PLXNA1: variants seen among roughly 807,000 people sequenced by gnomAD.
PLXNA1 encodes plexin-A1.
A neutral mutation model predicts 191.7 loss-of-function variants in PLXNA1; 77 were observed. That is an observed-to-expected ratio of 0.40 (90% CI 0.33 to 0.49). The LOEUF (loss-of-function observed/expected upper bound fraction) is 0.49, where lower values mean the gene tolerates loss of function less well. Ranked by LOEUF, PLXNA1 falls within the 20% of genes least tolerant of loss-of-function variation. The pLI, the probability that PLXNA1 is intolerant of heterozygous loss-of-function variation, is 0.63. For synonymous variants in PLXNA1, 1,137 were observed against 1,156.4 expected (o/e 0.98, Z 0.34); for missense variants, 2,110 against 2,660.2 (o/e 0.79, Z 4.55).
chr3:127,022,907 T>A, intron 23 of PLXNA1, 89 bp downstream of exon 23: 1 of 1,171,042 alleles, frequency 8.5e-7, no homozygotes, highest in Non-Finnish European at 1.3e-6. Flanking sequence ...TGGGAGGTGC[T>A]GGAGAATGAC....
chr3:127,016,382 C>A, intron 15 of PLXNA1, 135 bp from the exon 16 acceptor site: 1 of 733,400 alleles, frequency 1.4e-6, no homozygotes, highest in South Asian at 1.7e-5. Flanking sequence ...GGGAAAGTAG[C>A]GGTGATAGTA....
intron 25 of PLXNA1, 92 bp from the exon 26 acceptor site, chr3:127,028,901 G>A: frequency 1.1e-6 from 1 of 904,454 alleles, no homozygotes; most frequent in South Asian, 1.5e-5. Flanking sequence ...GGTGCTGAGA[G>A]CTGCAGGCAG....
intron 21 of PLXNA1, among the ~76,000 whole-genome samples, chr3:127,020,752 C>T (rs1457995937): frequency 6.6e-6 from 1 of 152,146 alleles, no homozygotes; most frequent in African/African-American, 2.4e-5. Flanking sequence ...CCGCCTGCGG[C>T]TCCACTGGCC....
intron 3 of PLXNA1, among the ~76,000 whole-genome samples, chr3:126,999,676 C>T (rs1174872543): frequency 1.3e-5 from 2 of 152,172 alleles, no homozygotes; most frequent in South Asian, 2.1e-4. Flanking sequence ...AGCAGTTGGC[C>T]AGGGCTGTGG....
At chr3:126,986,175 A>G (rs765396584) in intron 1 of PLXNA1, among the ~76,000 whole-genome samples, 1 of 152,114 alleles carries the variant, frequency 6.6e-6, no homozygotes, top group Non-Finnish European at 1.5e-5. Flanking sequence ...TGAACTGATA[A>G]ACGGTGAGTG....
At chr3:126,995,180 T>G (rs1342589727) in intron 3 of PLXNA1, among the ~76,000 whole-genome samples, 4 of 152,198 alleles carry the variant, frequency 2.6e-5, no homozygotes, top group Non-Finnish European at 5.9e-5. Context: ...TGGGGCTGAC[T>G]GGGGGTGCCC....
At chr3:127,013,516 CAGCCCAGCCTTGTTGAGG>C (rs2079106044) in intron 10 of PLXNA1, among the ~76,000 whole-genome samples, 1 of 152,218 alleles carries the variant, frequency 6.6e-6, no homozygotes, top group African/African-American at 2.4e-5. Flanking sequence ...CCCCTGGGCC[CAGCCCAGCCTTGTTGAGG>C]AGGGGACGGG....
intron 4 of PLXNA1, among the ~76,000 whole-genome samples, chr3:127,003,845 C>T (rs1280398909): frequency 6.6e-6 from 1 of 152,230 alleles, no homozygotes; most frequent in Non-Finnish European, 1.5e-5. Flanking sequence ...ACTGAGTCCT[C>T]AGGCCTAGGG....
chr3:127,016,990 C>T lies in PLXNA1; in HGVS notation c.3229C>T (p.Arg1077Cys), dbSNP rs748301984. 22 of 1,613,400 alleles carry T rather than the reference C, an allele frequency of 1.4e-5. No homozygotes were observed. Among genetic ancestry groups the T allele is most frequent in the African/African-American group, 5.3e-5 (4 of 74,920 alleles). Residue 1077 changes from arginine (R) to cysteine (C), a missense_variant, in exon 17 of 32, where the codon CGT becomes TGT. Arg to Cys is a radical substitution (Grantham distance 180). Coordinates refer to ENST00000393409, the MANE Select transcript of PLXNA1 (RefSeq NM_032242.4). ...CACAGGCACCAACCTGGCCACTGTC[C>T]GTGAACCCCGAATCCGGGCCAAGTA... ...TVTGTNLATVREPRIRAKYGG... is the reference protein window; with the variant it reads ...TVTGTNLATVCEPRIRAKYGG...
chr3:126,991,350 C>T (rs754728211), intron 2 of PLXNA1, 34 bp from the exon 3 acceptor site: 58 of 1,606,744 alleles, frequency 3.6e-5, no homozygotes, highest in Middle Eastern at 1.8e-4. Flanking sequence ...AGAAGGTGCC[C>T]GGGGAGTGGC....
rs757241654 is a variant in PLXNA1, at chr3:127,028,019, C to T, written c.4442C>T (p.Thr1481Met). Reference protein sequence around the residue: ...QMEKGPIDAITGEARYSLSED... With the variant: ...QMEKGPIDAIMGEARYSLSED... ...GAGAAGGGCCCCATTGACGCCATCA[C>T]GGGTGAGGCACGCTACTCCCTGAGT... The change falls in exon 24 of 32, where the codon ACG (threonine) becomes ATG (methionine). Residue 1481 changes from threonine to methionine, a missense_variant. Physicochemically the swap from Thr to Met is moderately conservative, Grantham distance 81. Coordinates refer to ENST00000393409, the MANE Select transcript of PLXNA1 (RefSeq NM_032242.4). 12 of 1,613,928 alleles carry T rather than the reference C, an allele frequency of 7.4e-6. No individual in the cohort carries two copies. The South Asian group carries it at 9.9e-5, about 13-fold the overall frequency.
In PLXNA1 at chr3:127,022,327, G is replaced by T. The variant is rs1243485849; in HGVS notation, c.4281G>T (p.Lys1427Asn). The part of the protein sequence containing the change: ...EKNLESKNHP[K>N]LLLRRTESVA... ...ACCTGGAGAGCAAGAACCACCCCAAGCTGCTACTGCGCCGGTGAGCCTGGG... is the reference window on the plus strand; with the variant it reads ...ACCTGGAGAGCAAGAACCACCCCAATCTGCTACTGCGCCGGTGAGCCTGGG... The change falls in exon 22 of 32, where the codon AAG becomes AAT. Residue 1427 changes from lysine to asparagine, a missense_variant. Transcript: ENST00000393409. 1 of 1,610,654 alleles carries T rather than the reference G, an allele frequency of 6.2e-7. No individual in the cohort carries two copies. The highest frequency in any genetic ancestry group is 1.3e-5 in the African/African-American group (1 of 74,884).
In PLXNA1 at chr3:126,994,128, G is replaced by A. The variant is rs536670457; in HGVS notation, c.1377+2562G>A. On this transcript the variant is annotated intron_variant, in intron 3 of 31. Coordinates refer to ENST00000393409, the MANE Select transcript of PLXNA1 (RefSeq NM_032242.4). ...GCAGCCTGTCATCTGTTTGACAGGT[G>A]GGGAAACTGAGTGCTCAAGGCAGGT... Among the ~76,000 whole-genome samples the A allele has an allele frequency of 1.7e-4, 26 of 152,204 alleles. 1 individual carries two copies. In the South Asian group the frequency reaches 5.4e-3, roughly 32 times the overall value.
Position 127,029,440 on chromosome 3 carries a change from G to T in PLXNA1, c.4774G>T (p.Val1592Leu). ...KRLNTLAHYQ[V>L]TDGSSVALVP... ...AGGGTCCCTGGCCCTCTGCCCACAG[G>T]TGACAGACGGGTCCTCGGTGGCACT... is the stretch of plus-strand genomic sequence containing the variant. Residue 1592 changes from valine (V) to leucine (L), a missense_variant and splice_region_variant, in exon 27 of 32, where the codon GTG (valine) becomes TTG (leucine). By Grantham distance (32) the Val-to-Leu change is conservative. Coordinates refer to ENST00000393409, the MANE Select transcript of PLXNA1 (RefSeq NM_032242.4). The T allele has an allele frequency of 1.2e-6, 2 of 1,613,532 alleles. No homozygotes were observed. Among genetic ancestry groups the T allele is most frequent in the Non-Finnish European group, 1.7e-6 (2 of 1,179,698 alleles).
chr3:127,008,050 C>T (rs2079077360), intron 9 of PLXNA1, 137 bp downstream of exon 9: 2 of 590,692 alleles, frequency 3.4e-6, no homozygotes, highest in Non-Finnish European at 5.9e-6. Context: ...GTGGTGCATG[C>T]ACCACCAGGC....
chr3:127,021,887 T>C (rs1314040756), intron 21 of PLXNA1, among the ~76,000 whole-genome samples, 198 bp from the exon 22 acceptor site: 2 of 152,296 alleles, frequency 1.3e-5, no homozygotes, highest in East Asian at 1.9e-4. Flanking sequence ...CCAGGTCGTG[T>C]CCATTTTGCT....
intron 23 of PLXNA1, among the ~76,000 whole-genome samples, chr3:127,024,451 G>A (rs1161977274): frequency 6.6e-6 from 1 of 152,202 alleles, no homozygotes; most frequent in Non-Finnish European, 1.5e-5. Flanking sequence ...AGTGGAGGGA[G>A]GGAGAGGGAG....
chr3:127,029,229 T>C (rs1311549921), intron 26 of PLXNA1, 133 bp downstream of exon 26: 5 of 831,336 alleles, frequency 6.0e-6, no homozygotes, highest in African/African-American at 5.1e-5. Flanking sequence ...AGGTGGTCAC[T>C]TATGTGTGTG....
In PLXNA1 at chr3:126,989,331, T is replaced by C. The variant is rs2078977586; in HGVS notation, c.738T>C (p.Tyr246=). 2.5e-6 allele frequency: 4 copies of C among 1,613,652 alleles called. No individual in the cohort carries two copies. The highest frequency in any genetic ancestry group is 2.2e-5 in the South Asian group (2 of 91,090). ...AGTTCCCGGCCTTTGACATCTACTATGTGTACAGCTTCCGCAGCGAGCAGT... is the reference window on the plus strand; with the variant it reads ...AGTTCCCGGCCTTTGACATCTACTACGTGTACAGCTTCCGCAGCGAGCAGT... ...LSKFPAFDIY[Y]VYSFRSEQFV... The change falls in exon 2 of 32, where the codon TAT becomes TAC. Residue 246 remains tyrosine, a synonymous_variant. Transcript: ENST00000393409.
Sources: gnomAD v4.1 joint callset for allele counts (sites outside exome capture counted in the v4.1 genomes callset) on GRCh38, gnomAD v4.1.1 for gene constraint, MANE v1.5 for transcripts, NCBI Gene and HGNC (gene_info 2026-07-23, HGNC 2026-07-21) for gene names.